The following ACTN1 variants were observed in gnomAD, a reference collection of about 807,000 sequenced individuals.
The protein encoded by ACTN1 is actinin alpha 1.
In ACTN1, 30 loss-of-function variants were observed where a neutral mutation model predicts 119.6. The observed-to-expected ratio is 0.25, with a 90% CI of 0.19 to 0.34. ACTN1 has a LOEUF of 0.34. ACTN1 is among the 10% of genes least tolerant of loss of function. The pLI is 1.00. For missense variants in ACTN1, 764 were observed against 1,223.4 expected (o/e 0.62, Z 5.60); for synonymous variants, 429 against 472.6 (o/e 0.91, Z 1.20).
At chr14:68,931,284 G>C (rs2035210988) in intron 1 of ACTN1, among the ~76,000 whole-genome samples, 1 of 152,274 alleles carries the variant, frequency 6.6e-6, no homozygotes, top group South Asian at 2.1e-4. Flanking sequence ...AACATCAGCA[G>C]AGTTGGCAGA....
intron 1 of ACTN1, among the ~76,000 whole-genome samples, chr14:68,956,934 C>T (rs190496881): frequency 2.0e-5 from 3 of 152,172 alleles, no homozygotes; most frequent in East Asian, 1.9e-4. Flanking sequence ...CCAGCCCATC[C>T]ACATGGCCAC....
At position 68,944,185 on chromosome 14, in the gene ACTN1, G is replaced by A. The variant is rs80048388; in HGVS notation, c.106-18513C>T. The stretch of plus-strand genomic sequence containing the variant: ...TTTTTCTTCCAGGTCTCAGTTTTAG[G>A]GAGATGGAAAGAGGGTTTGAATTCT... On this transcript the variant is annotated intron_variant, in intron 1 of 21. Coordinates refer to ENST00000394419, the MANE Select transcript of ACTN1 (RefSeq NM_001130004.2). Among the ~76,000 whole-genome samples the A allele has an allele frequency of 6.7e-3, 1,016 of 152,302 alleles. 10 individuals carry two copies. The highest frequency in any genetic ancestry group is 0.023 in the African/African-American group (956 of 41,556).
At position 68,885,800 on chromosome 14, in the gene ACTN1, G is replaced by C; in HGVS notation, c.1235-225C>G. 1 of 561,174 alleles carries C rather than the reference G, an allele frequency of 1.8e-6. No individual in the cohort carries two copies. Among genetic ancestry groups the C allele is most frequent in the Non-Finnish European group, 3.2e-6 (1 of 313,982 alleles). The allele number at this position is 561,174 out of a possible 1,614,324, so 34.8% of individuals were successfully genotyped here. On this transcript the variant is annotated intron_variant, in intron 11 of 21. Coordinates refer to ENST00000394419, the MANE Select transcript of ACTN1 (RefSeq NM_001130004.2). The surrounding 1 kb of genome is among the most constrained non-coding windows in gnomAD (Gnocchi z 5.6). ...CTCCTCAGAGCACTTCCAAGGCCATGAAAGTGTCTACGCAGGAAGGCTATG... is the reference window on the plus strand; with the variant it reads ...CTCCTCAGAGCACTTCCAAGGCCATCAAAGTGTCTACGCAGGAAGGCTATG...
At chr14:68,934,839 A>C (rs1431267877) in intron 1 of ACTN1, among the ~76,000 whole-genome samples, 1 of 152,266 alleles carries the variant, frequency 6.6e-6, no homozygotes, top group Non-Finnish European at 1.5e-5. Flanking sequence ...TAACCAAAAA[A>C]AGCAGGATTC....
Position 68,960,353 on chromosome 14 carries a change from A to C in ACTN1, c.105+18599T>G, listed in dbSNP as rs543059091. Among the ~76,000 whole-genome samples the C allele has an allele frequency of 9.7e-4, 148 of 152,324 alleles. 4 individuals carry two copies. In the South Asian group the frequency reaches 0.018, roughly 19 times the overall value. ...GCAGATCTTAGTATCCTCATCACAT[A>C]TACATACATACAAACAATGACAACT... On this transcript the variant is annotated intron_variant, in intron 1 of 21. Coordinates refer to ENST00000394419, the MANE Select transcript of ACTN1 (RefSeq NM_001130004.2).
At chr14:68,972,730 T>G (rs1210211127) in intron 1 of ACTN1, among the ~76,000 whole-genome samples, 1 of 152,238 alleles carries the variant, frequency 6.6e-6, no homozygotes, top group Admixed American at 6.5e-5. Flanking sequence ...GGAGCCCGAC[T>G]GCCTGGCTTC....
At chr14:68,914,302 T>A (rs2034170089) in intron 3 of ACTN1, among the ~76,000 whole-genome samples, 1 of 152,180 alleles carries the variant, frequency 6.6e-6, no homozygotes, top group Admixed American at 6.5e-5. Flanking sequence ...TTTAAAGAGT[T>A]CATCTCAATT....
chr14:68,969,458 C>A (rs1167563624), intron 1 of ACTN1, among the ~76,000 whole-genome samples: 1 of 152,236 alleles, frequency 6.6e-6, no homozygotes, highest in South Asian at 2.1e-4. Context: ...AAGGCCCTTA[C>A]AAAATATCGG....
intron 1 of ACTN1, chr14:68,936,670 G>T (rs1229398276): frequency 3.2e-6 from 2 of 626,252 alleles, no homozygotes; most frequent in Admixed American, 2.0e-5. Context: ...TGGGGAGCCT[G>T]GCCGGGTGAA....
intron 3 of ACTN1, 123 bp downstream of exon 3, chr14:68,920,883 G>A (rs1255571970): frequency 7.5e-7 from 1 of 1,334,890 alleles, no homozygotes; most frequent in African/African-American, 1.5e-5. Flanking sequence ...TGGAGGTGCT[G>A]GGGACCCACT....
At chr14:68,949,392 G>A (rs570622659) in intron 1 of ACTN1, among the ~76,000 whole-genome samples, 1 of 152,314 alleles carries the variant, frequency 6.6e-6, no homozygotes, top group South Asian at 2.1e-4. Flanking sequence ...CTTTTCATTA[G>A]CTCTGCAGCT....
Position 68,874,224 on chromosome 14 carries a change from A to T in ACTN1, c.*635T>A, listed in dbSNP as rs983583583. 1.3e-5 allele frequency: 2 copies of T among 152,452 alleles called. No individual in the cohort carries two copies. The highest frequency in any genetic ancestry group is 4.8e-5 in the African/African-American group (2 of 41,568). The allele number at this position is 152,452 out of a possible 1,614,324, so 9.4% of individuals were successfully genotyped here. On this transcript the variant is annotated 3_prime_UTR_variant, in exon 22 of 22. Coordinates refer to ENST00000394419, the MANE Select transcript of ACTN1 (RefSeq NM_001130004.2). ...CTATTTTTAATAGACAATATTAAAA[A>T]TTTTTTAAGTGTGTGCTGATAAAGA...
chr14:68,977,899 G>A (rs184303385), intron 1 of ACTN1: 2 of 454,840 alleles, frequency 4.4e-6, no homozygotes, highest in Admixed American at 4.7e-5. Flanking sequence ...GGGAGGAGGG[G>A]GAGGGAAAGG....
chr14:68,932,358 C>A (rs1032309280), intron 1 of ACTN1, among the ~76,000 whole-genome samples: 7 of 151,882 alleles, frequency 4.6e-5, no homozygotes, highest in African/African-American at 1.7e-4. Flanking sequence ...CTTTGGGACT[C>A]GGACTGGCTT....
intron 7 of ACTN1, among the ~76,000 whole-genome samples, chr14:68,902,949 G>T (rs1224601023): frequency 2.6e-5 from 4 of 152,156 alleles, no homozygotes; most frequent in Non-Finnish European, 5.9e-5. Flanking sequence ...AACCCTCAAA[G>T]AAATGTCATA....
intron 1 of ACTN1, chr14:68,974,066 G>A (rs1252273432): frequency 6.6e-6 from 1 of 152,518 alleles, no homozygotes; most frequent in African/African-American, 2.4e-5. Context: ...TAAAAGCAGG[G>A]CCAGTGGGGA....
chr14:68,884,211 T>A lies in ACTN1; in HGVS notation c.1592A>T (p.Asp531Val), dbSNP rs1594758046. 1 of 1,614,004 alleles carries A rather than the reference T, an allele frequency of 6.2e-7. No homozygotes were observed. Among genetic ancestry groups the A allele is most frequent in the Non-Finnish European group, 8.5e-7 (1 of 1,179,976 alleles). Residue 531 changes from aspartate (D) to valine (V), a missense_variant, in exon 14 of 22, where the codon GAC becomes GTC. Physicochemically the swap from Asp to Val is radical, Grantham distance 152. This residue lies in a region of ACTN1 where 544 missense variants were observed against 912.0 expected (regional missense o/e 0.60). Coordinates refer to ENST00000394419, the MANE Select transcript of ACTN1 (RefSeq NM_001130004.2). ...FNNWMEGAME[D>V]LQDTFIVHTI... ...GTGCACAATGAAGGTGTCCTGCAGG[T>A]CCTCCATGGCCCCCTCCATCCAGTT... is the stretch of plus-strand genomic sequence containing the variant.
Position 68,885,739 on chromosome 14 carries a change from G to A in ACTN1, c.1235-164C>T. ...GGGTGCAAAAGCAGATGTGCAACTA[G>A]AACATCCACCAACCGGCGCAACGGG... On this transcript the variant is annotated intron_variant, in intron 11 of 21. Coordinates refer to ENST00000394419, the MANE Select transcript of ACTN1 (RefSeq NM_001130004.2). The surrounding 1 kb of genome is among the most constrained non-coding windows in gnomAD (Gnocchi z 5.6). 1 of 769,726 alleles carries A rather than the reference G, an allele frequency of 1.3e-6. No homozygotes were observed. The highest frequency in any genetic ancestry group is 2.7e-5 in the East Asian group (1 of 36,842). 47.7% of individuals were successfully genotyped at this position (769,726 alleles called of 1,614,324 possible).
intron 1 of ACTN1, among the ~76,000 whole-genome samples, chr14:68,970,841 C>T (rs4899275): frequency 0.75 from 114,571 of 152,170 alleles, 43,589 homozygotes; most frequent in East Asian, 1. Flanking sequence ...CAGACCCTCC[C>T]GTCAAAGACC....
Sources: gnomAD v4.1 joint callset for allele counts (sites outside exome capture counted in the v4.1 genomes callset) on GRCh38, gnomAD v4.1.1 for gene constraint, gnomAD v4.1.1 regional missense constraint, Gnocchi (gnomAD v3.1) non-coding constraint, MANE v1.5 for transcripts, NCBI Gene and HGNC (gene_info 2026-07-23, HGNC 2026-07-21) for gene names.